PDE3B: variants seen among roughly 807,000 people sequenced by gnomAD.
PDE3B encodes the protein cGMP-inhibited 3',5'-cyclic phosphodiesterase 3B.
A neutral mutation model predicts 116.8 loss-of-function variants in PDE3B; 66 were observed. The observed-to-expected ratio is 0.56, with a 90% CI of 0.46 to 0.69. The LOEUF is 0.69. PDE3B is among the 30% of genes least tolerant of loss of function. The pLI is 0.00. For missense variants in PDE3B, 1,384 were observed against 1,368.1 expected (o/e 1.01, Z -0.18); for synonymous variants, 595 against 533.6 (o/e 1.12, Z -1.59).
intron 1 of PDE3B, among the ~76,000 whole-genome samples, chr11:14,752,859 CT>C (rs1857090061): frequency 6.6e-6 from 1 of 152,068 alleles, no homozygotes; most frequent in Admixed American, 6.6e-5. Flanking sequence ...CTCTTTTCCA[CT>C]TCTTCTAAAA....
chr11:14,789,714 C>G (rs1319947460), intron 4 of PDE3B, among the ~76,000 whole-genome samples: 1 of 151,920 alleles, frequency 6.6e-6, no homozygotes, highest in East Asian at 1.9e-4. Context: ...GTTGAGACAA[C>G]TAATATATTC....
At chr11:14,767,372 C>T (rs142200543) in intron 1 of PDE3B, among the ~76,000 whole-genome samples, 2 of 151,366 alleles carry the variant, frequency 1.3e-5, no homozygotes, top group Non-Finnish European at 3.0e-5. Context: ...GTTTTTATCT[C>T]TTTGTGTGGT....
chr11:14,651,930 T>A lies in PDE3B; in HGVS notation c.978+6877T>A, dbSNP rs1433589344. Among the ~76,000 whole-genome samples, 4 of 152,322 alleles carry A rather than the reference T, an allele frequency of 2.6e-5. No homozygotes were observed. In the East Asian group the frequency reaches 7.7e-4, roughly 29 times the overall value. On this transcript the variant is annotated intron_variant, in intron 1 of 15. Transcript: ENST00000282096. ...TCTAATAAGACTTAATATCCTGTAT[T>A]GATAGTGTCCATTGATGTGCAAAAG...
chr11:14,818,103 A>G, intron 5 of PDE3B, 80 bp from the exon 6 acceptor site: 1 of 974,616 alleles, frequency 1.0e-6, no homozygotes. Context: ...AAAAATCCAT[A>G]AAAACACAAA....
At chr11:14,722,122 A>G (rs1055735178) in intron 1 of PDE3B, among the ~76,000 whole-genome samples, 2 of 149,608 alleles carry the variant, frequency 1.3e-5, no homozygotes, top group African/African-American at 4.9e-5. Context: ...GAACACATGG[A>G]CACAGGAAGG....
At chr11:14,817,325 T>G (rs182925032) in intron 5 of PDE3B, among the ~76,000 whole-genome samples, 1 of 152,148 alleles carries the variant, frequency 6.6e-6, no homozygotes, top group Admixed American at 6.6e-5. Context: ...TTAGGAGATA[T>G]ACCTAATGTA....
At chr11:14,708,340 A>G (rs770412331) in intron 1 of PDE3B, among the ~76,000 whole-genome samples, 1 of 152,118 alleles carries the variant, frequency 6.6e-6, no homozygotes, top group Non-Finnish European at 1.5e-5. Flanking sequence ...CTTTCCAGTC[A>G]TCAGAATCAT....
chr11:14,883,974 T>C, the PDE3B span, among the ~76,000 whole-genome samples: 87 of 151,856 alleles, frequency 5.7e-4, no homozygotes, highest in African/African-American at 1.9e-3. Flanking sequence ...ATCAAAACCA[T>C]AATGAGATAC....
the PDE3B span, among the ~76,000 whole-genome samples, chr11:14,898,230 T>C: frequency 1.3e-5 from 2 of 151,914 alleles, no homozygotes; most frequent in Non-Finnish European, 2.9e-5. Context: ...CGGAAACACA[T>C]GGTGTTATCC....
intron 1 of PDE3B, among the ~76,000 whole-genome samples, chr11:14,725,252 T>G (rs937736355): frequency 6.6e-6 from 1 of 151,796 alleles, no homozygotes; most frequent in African/African-American, 2.4e-5. Context: ...TTTTTCTTTC[T>G]TTCGTTCTTT....
At chr11:14,704,066 T>A (rs1406877985) in intron 1 of PDE3B, among the ~76,000 whole-genome samples, 1 of 151,794 alleles carries the variant, frequency 6.6e-6, no homozygotes, top group Non-Finnish European at 1.5e-5. Flanking sequence ...TGAATCTTAC[T>A]TAAATATTAG....
intron 1 of PDE3B, among the ~76,000 whole-genome samples, chr11:14,752,810 T>G (rs1196292062): frequency 1.3e-5 from 2 of 152,142 alleles, no homozygotes; most frequent in Admixed American, 6.6e-5. Flanking sequence ...ACTTTTGTCC[T>G]CCTGCCCCAT....
chr11:14,830,944 G>A (rs1037378), intron 8 of PDE3B, 98 bp downstream of exon 8: 360,991 of 696,174 alleles, frequency 0.52, 95,573 homozygotes, highest in Admixed American at 0.56. Flanking sequence ...TTTTAATATA[G>A]TAGTATTTTT....
chr11:14,883,703 G>C, the PDE3B span, among the ~76,000 whole-genome samples: 1 of 151,964 alleles, frequency 6.6e-6, no homozygotes, highest in Non-Finnish European at 1.5e-5. Context: ...TTAAACTCAA[G>C]AGCTTCTGCA....
intron 5 of PDE3B, among the ~76,000 whole-genome samples, chr11:14,815,169 G>C (rs1466660003): frequency 6.6e-6 from 1 of 152,008 alleles, no homozygotes; most frequent in African/African-American, 2.4e-5. Flanking sequence ...ATTGAAAATA[G>C]TAACAACATC....
At chr11:14,795,568 T>C (rs539348543) in intron 4 of PDE3B, among the ~76,000 whole-genome samples, 83 of 152,286 alleles carry the variant, frequency 5.5e-4, no homozygotes, top group African/African-American at 1.9e-3. Flanking sequence ...TCTAAATAGC[T>C]AAATGAATGT....
chr11:14,825,809 A>C (rs1007152075), intron 7 of PDE3B, among the ~76,000 whole-genome samples: 1 of 152,166 alleles, frequency 6.6e-6, no homozygotes, highest in East Asian at 1.9e-4. Flanking sequence ...AGAACTCTCC[A>C]CTCAAAAACA....
chr11:14,790,396 G>A (rs1482750720), intron 4 of PDE3B, among the ~76,000 whole-genome samples: 1 of 150,978 alleles, frequency 6.6e-6, no homozygotes, highest in African/African-American at 2.4e-5. Flanking sequence ...CAGAAAATGT[G>A]ACAGTATTTC....
At chr11:14,721,304 G>C (rs530236359) in intron 1 of PDE3B, among the ~76,000 whole-genome samples, 15 of 152,148 alleles carry the variant, frequency 9.9e-5, no homozygotes, top group Admixed American at 5.2e-4. Flanking sequence ...GGAGAAATAG[G>C]AACACTTTTA....
Sources: gnomAD v4.1 joint callset for allele counts (sites outside exome capture counted in the v4.1 genomes callset) on GRCh38, gnomAD v4.1.1 for gene constraint, MANE v1.5 for transcripts, NCBI Gene and HGNC (gene_info 2026-07-23, HGNC 2026-07-21) for gene names.